Variants in FKBP9 observed in about 807,000 individuals in gnomAD.
The protein encoded by FKBP9 is peptidyl-prolyl cis-trans isomerase FKBP9.
Under a neutral mutation model 55.6 loss-of-function variants are expected in FKBP9, and 27 were observed. The observed-to-expected ratio is 0.49, with a 90% CI of 0.36 to 0.67. The LOEUF (loss-of-function observed/expected upper bound fraction) is 0.67. FKBP9 is among the 30% of genes least tolerant of loss of function. The pLI, the probability that FKBP9 is intolerant of heterozygous loss-of-function variation, is 0.00. For missense variants in FKBP9, 539 were observed against 742.8 expected (o/e 0.73, Z 3.19); for synonymous variants, 267 against 296.5 (o/e 0.90, Z 1.02).
intron 5 of FKBP9, among the ~76,000 whole-genome samples, chr7:32,982,687 A>G (rs1344788533): frequency 6.6e-6 from 1 of 152,154 alleles, no homozygotes; most frequent in Non-Finnish European, 1.5e-5. Flanking sequence ...TTTCCAATTG[A>G]AAGACCACTT....
At chr7:32,959,006 T>C (rs1783962415) in intron 1 of FKBP9, among the ~76,000 whole-genome samples, 1 of 152,178 alleles carries the variant, frequency 6.6e-6, no homozygotes, top group Admixed American at 6.5e-5. Flanking sequence ...CTTGACTTTT[T>C]TGAAGTTCCA....
intron 1 of FKBP9, among the ~76,000 whole-genome samples, chr7:32,972,917 T>C (rs1784280751): frequency 6.6e-6 from 1 of 152,138 alleles, no homozygotes; most frequent in Non-Finnish European, 1.5e-5. Context: ...AGATGGGGTT[T>C]CACCATGTTG....
intron 3 of FKBP9, 41 bp downstream of exon 3, chr7:32,975,412 A>G: frequency 6.5e-7 from 1 of 1,527,726 alleles, no homozygotes; most frequent in South Asian, 1.1e-5. Flanking sequence ...GAAATGTCCC[A>G]TGCATAGTTC....
chr7:32,963,490 G>A, intron 1 of FKBP9: 1 of 587,664 alleles, frequency 1.7e-6, no homozygotes, highest in Non-Finnish European at 2.7e-6. Context: ...CTAGAGATCA[G>A]CCTCATTGGG....
chr7:32,987,632 C>T (rs908928430), intron 5 of FKBP9, among the ~76,000 whole-genome samples: 1 of 152,122 alleles, frequency 6.6e-6, no homozygotes, highest in Non-Finnish European at 1.5e-5. Flanking sequence ...GGGCTACGTT[C>T]GATTCTGTCT....
At chr7:32,961,622 G>A (rs977006541) in intron 1 of FKBP9, among the ~76,000 whole-genome samples, 10 of 152,068 alleles carry the variant, frequency 6.6e-5, no homozygotes, top group African/African-American at 2.2e-4. Context: ...GTTAGGAACC[G>A]GGCTGCACAG....
At chr7:32,963,158 G>T (rs1394102719) in intron 1 of FKBP9, among the ~76,000 whole-genome samples, 1 of 152,146 alleles carries the variant, frequency 6.6e-6, no homozygotes, top group Non-Finnish European at 1.5e-5. Flanking sequence ...TTGAAGCGGG[G>T]AGTGTGTTTA....
intron 1 of FKBP9, among the ~76,000 whole-genome samples, chr7:32,965,082 G>C (rs1356290023): frequency 6.6e-6 from 1 of 152,218 alleles, no homozygotes; most frequent in Non-Finnish European, 1.5e-5. Flanking sequence ...CAGTGGACTT[G>C]TTCTTCCTTA....
Position 32,982,790 on chromosome 7 carries a change from A to C in FKBP9, c.893+2237A>C, listed in dbSNP as rs537349654. On this transcript the variant is annotated intron_variant, in intron 5 of 9. Coordinates refer to ENST00000242209, the MANE Select transcript of FKBP9 (RefSeq NM_007270.5). Reference sequence around the variant, plus strand: ...ATTTTAGTACAGTGGGATCTAGCCCATTCTAACAGCTGCATATATTTCATT... The same window carrying C: ...ATTTTAGTACAGTGGGATCTAGCCCCTTCTAACAGCTGCATATATTTCATT... Among the ~76,000 whole-genome samples, 62 of 152,380 alleles carry C rather than the reference A, an allele frequency of 4.1e-4. 1 individual carries two copies. In the South Asian group the frequency reaches 0.013, roughly 31 times the overall value.
intron 4 of FKBP9, among the ~76,000 whole-genome samples, chr7:32,979,934 G>A (rs1168923622): frequency 2.9e-4 from 44 of 151,454 alleles, no homozygotes; most frequent in Admixed American, 2.1e-3. Flanking sequence ...TTGGCCGTTC[G>A]TTTCAAAGAA....
At chr7:32,965,812 A>AATATATATATAT (rs57598279) in intron 1 of FKBP9, among the ~76,000 whole-genome samples, 6 of 34,938 alleles carry the variant, frequency 1.7e-4, no homozygotes, top group African/African-American at 7.3e-4. Flanking sequence ...AAAAAAAAAA[A>AATATATATATAT]ATATATATAT....
intron 5 of FKBP9, among the ~76,000 whole-genome samples, chr7:32,985,379 C>G (rs1439140799): frequency 6.6e-6 from 1 of 151,726 alleles, no homozygotes; most frequent in East Asian, 2.0e-4. Context: ...GGGGTTTCAA[C>G]ATGTTGGGCC....
At chr7:33,002,544 T>C in intron 8 of FKBP9, 132 bp from the exon 9 acceptor site, 1 of 1,403,396 alleles carries the variant, frequency 7.1e-7, no homozygotes, top group Admixed American at 2.2e-5. Flanking sequence ...GACTAGCCTC[T>C]GCTCCGCTTT....
intron 8 of FKBP9, among the ~76,000 whole-genome samples, 171 bp downstream of exon 8, chr7:33,000,431 G>A (rs929438117): frequency 6.6e-6 from 1 of 152,184 alleles, no homozygotes; most frequent in African/African-American, 2.4e-5. Context: ...GGAGACCCCT[G>A]TGAATTCAGT....
intron 1 of FKBP9, among the ~76,000 whole-genome samples, chr7:32,969,101 G>T (rs1435296394): frequency 2.6e-5 from 4 of 151,974 alleles, no homozygotes; most frequent in African/African-American, 9.7e-5. Flanking sequence ...TTATTTTGTG[G>T]TCGTTGAGTT....
intron 1 of FKBP9, among the ~76,000 whole-genome samples, chr7:32,970,652 T>C (rs1451879820): frequency 6.8e-6 from 1 of 146,232 alleles, no homozygotes; most frequent in Non-Finnish European, 1.5e-5. Context: ...TATTAGTGTA[T>C]AGAAATGCAT....
chr7:32,988,242 A>G (rs1784612818), intron 5 of FKBP9, among the ~76,000 whole-genome samples: 1 of 152,224 alleles, frequency 6.6e-6, no homozygotes, highest in African/African-American at 2.4e-5. Flanking sequence ...GGTGCTTCTC[A>G]TAACCCACAC....
chr7:32,989,991 A>G (rs1023015724), intron 6 of FKBP9, among the ~76,000 whole-genome samples: 4 of 151,166 alleles, frequency 2.6e-5, no homozygotes, highest in African/African-American at 9.7e-5. Flanking sequence ...CTAATTCAAA[A>G]GCAATTTTTT....
intron 5 of FKBP9, among the ~76,000 whole-genome samples, chr7:32,984,000 A>G (rs1784530384): frequency 6.6e-6 from 1 of 152,018 alleles, no homozygotes; most frequent in Non-Finnish European, 1.5e-5. Context: ...TCCTCAATTT[A>G]TTTGTTTGTT....
Sources: gnomAD v4.1 joint callset for allele counts (sites outside exome capture counted in the v4.1 genomes callset) on GRCh38, gnomAD v4.1.1 for gene constraint, MANE v1.5 for transcripts, NCBI Gene and HGNC (gene_info 2026-07-23, HGNC 2026-07-21) for gene names.